The following PKHD1 variants were observed in gnomAD, a reference collection of about 807,000 sequenced individuals.
PKHD1 encodes the protein fibrocystin.
PKHD1 carries 291 observed loss-of-function variants against 412.0 expected under a neutral mutation model. The ratio of observed to expected loss-of-function variants is 0.71; its 90% CI spans 0.64 to 0.78. The LOEUF is 0.78. PKHD1 is among the 30% of genes least tolerant of loss of function. The probability of loss-of-function intolerance (pLI) is 0.00; values close to 1 mark genes in which losing one functional copy is unlikely to be tolerated. For missense variants in PKHD1, 4,825 were observed against 4,950.7 expected (o/e 0.97, Z 0.76); for synonymous variants, 1,777 against 1,821.5 (o/e 0.98, Z 0.62).
At chr6:51,688,454 C>G (rs1750963) in intron 60 of PKHD1, among the ~76,000 whole-genome samples, 1 of 150,714 alleles carries the variant, frequency 6.6e-6, no homozygotes, top group East Asian at 2.0e-4. Context: ...TCAAAGCTAG[C>G]AGAAAACAAG....
chr6:52,078,820 C>T (rs1222429518), intron 5 of PKHD1, among the ~76,000 whole-genome samples: 5 of 152,208 alleles, frequency 3.3e-5, no homozygotes, highest in Non-Finnish European at 5.9e-5. Context: ...GGTGGTGGTG[C>T]AGCTCTTAGT....
chr6:51,812,746 A>G (rs779952493), intron 52 of PKHD1, among the ~76,000 whole-genome samples: 16 of 152,274 alleles, frequency 1.1e-4, no homozygotes, highest in Non-Finnish European at 2.2e-4. Context: ...TCTTTTTTAG[A>G]TCCTGAAGAG....
intron 36 of PKHD1, among the ~76,000 whole-genome samples, chr6:51,951,356 C>G (rs1179720949): frequency 6.6e-6 from 1 of 151,918 alleles, no homozygotes; most frequent in East Asian, 1.9e-4. Context: ...GTCTTTTTCC[C>G]GAGGTCTGTA....
At chr6:51,811,995 A>G (rs1268582370) in intron 52 of PKHD1, among the ~76,000 whole-genome samples, 2 of 152,226 alleles carry the variant, frequency 1.3e-5, no homozygotes, top group Admixed American at 6.5e-5. Flanking sequence ...GATGTCAGAT[A>G]GCCATATATA....
At chr6:52,023,944 C>T (rs1040876426) in intron 32 of PKHD1, among the ~76,000 whole-genome samples, 2 of 152,198 alleles carry the variant, frequency 1.3e-5, no homozygotes, top group Non-Finnish European at 2.9e-5. Flanking sequence ...GTCTAAGATT[C>T]TGTTTCTATA....
chr6:51,910,818 GATTTGT>G (rs1561856607), intron 39 of PKHD1, among the ~76,000 whole-genome samples: 2 of 152,068 alleles, frequency 1.3e-5, no homozygotes, highest in African/African-American at 4.8e-5. Flanking sequence ...GTGAGTAGAT[GATTTGT>G]AGGGAGGGAG....
intron 43 of PKHD1, among the ~76,000 whole-genome samples, chr6:51,893,032 G>C (rs571129129): frequency 6.6e-6 from 1 of 152,088 alleles, no homozygotes; most frequent in Non-Finnish European, 1.5e-5. Flanking sequence ...CTATATCCAC[G>C]AGCCTTGGGA....
chr6:51,741,752 C>T (rs1050613813), intron 60 of PKHD1, among the ~76,000 whole-genome samples: 4 of 152,178 alleles, frequency 2.6e-5, no homozygotes, highest in African/African-American at 7.2e-5. Context: ...TTTATAGGAT[C>T]GCCCCCCATT....
At position 51,885,969 on chromosome 6, in the gene PKHD1, A is replaced by C. The variant is rs780627658; in HGVS notation, c.7113T>G (p.Tyr2371Ter). The C allele has an allele frequency of 3.2e-6, 5 of 1,563,654 alleles. No individual in the cohort carries two copies. The East Asian group carries it at 1.1e-4, about 35-fold the overall frequency. Residue 2371 changes from tyrosine to a stop codon, truncating the protein, a stop_gained, in exon 45 of 67, where the codon TAT becomes TAG. Transcript: ENST00000371117. LOFTEE classifies it high-confidence loss of function. Reference protein sequence around the residue: ...TQNIAHSCTRYGLFVYPKFQP... With the variant: ...TQNIAHSCTR ...GAAATTTAGGGTATACAAAGAGACC[A>C]TACCTAAAAAGTGAAACAGAATGAA... is the stretch of plus-strand genomic sequence containing the variant.
At chr6:51,736,832 A>G (rs965719243) in intron 60 of PKHD1, among the ~76,000 whole-genome samples, 29 of 152,230 alleles carry the variant, frequency 1.9e-4, no homozygotes, top group African/African-American at 6.7e-4. Context: ...ATGGGAAAAA[A>G]GAGAAGCCTA....
At chr6:51,750,744 A>G (rs1785977831) in intron 57 of PKHD1, among the ~76,000 whole-genome samples, 2 of 152,184 alleles carry the variant, frequency 1.3e-5, no homozygotes, top group African/African-American at 4.8e-5. Flanking sequence ...ATCAATTAGT[A>G]AAGACTTAAA....
At chr6:51,759,127 G>A (rs1298884155) in intron 55 of PKHD1, among the ~76,000 whole-genome samples, 2 of 152,160 alleles carry the variant, frequency 1.3e-5, no homozygotes, top group African/African-American at 4.8e-5. Context: ...CCATTAAAAT[G>A]TAATGAGGAT....
chr6:51,924,526 A>G (rs1785221515), intron 37 of PKHD1, among the ~76,000 whole-genome samples: 1 of 152,240 alleles, frequency 6.6e-6, no homozygotes, highest in Admixed American at 6.5e-5. Context: ...TAAAAGATCA[A>G]CTTGGCTCCA....
chr6:51,888,588 T>G (rs899441608), intron 43 of PKHD1, among the ~76,000 whole-genome samples: 8 of 151,850 alleles, frequency 5.3e-5, no homozygotes, highest in Admixed American at 5.3e-4. Context: ...ACAGGTCAGG[T>G]GAAGATAAGA....
chr6:51,894,436 T>C (rs1187424138), intron 43 of PKHD1, among the ~76,000 whole-genome samples: 2 of 152,188 alleles, frequency 1.3e-5, no homozygotes, highest in Non-Finnish European at 2.9e-5. Context: ...AGACCACCTG[T>C]GAACATCAAA....
At chr6:51,781,454 T>C (rs1281002157) in intron 53 of PKHD1, among the ~76,000 whole-genome samples, 1 of 152,152 alleles carries the variant, frequency 6.6e-6, no homozygotes, top group Non-Finnish European at 1.5e-5. Context: ...TAATGGAATA[T>C]TAAAATAAAC....
intron 33 of PKHD1, among the ~76,000 whole-genome samples, chr6:52,021,125 A>T (rs987149318): frequency 6.6e-6 from 1 of 152,218 alleles, no homozygotes; most frequent in Non-Finnish European, 1.5e-5. Flanking sequence ...ATTCCTCTAG[A>T]GTAAATGTGT....
intron 46 of PKHD1, among the ~76,000 whole-genome samples, chr6:51,882,465 C>A (rs1313295036): frequency 6.6e-6 from 1 of 152,128 alleles, no homozygotes; most frequent in Non-Finnish European, 1.5e-5. Context: ...TTGAACTAAG[C>A]ACTCAGGAAC....
rs377674026 is a variant in PKHD1, at chr6:52,017,596, T to A, written c.5414A>T (p.Glu1805Val). The stretch of plus-strand genomic sequence containing the variant: ...TCTGGCAGCCTCACAGCTGTCCTCC[T>A]CACGCTTCAGGCCACACAGGAAGGC... ...SLAFLCGLKR[E>V]EDSCEAARHT... Residue 1805 changes from glutamate (E) to valine (V), a missense_variant, in exon 34 of 67, where the codon GAG (glutamate) becomes GTG (valine). Glu to Val is a moderately radical substitution (Grantham distance 121, BLOSUM62 -2). Transcript: ENST00000371117. The A allele has an allele frequency of 4.3e-6, 7 of 1,613,764 alleles. No individual in the cohort carries two copies. In the Admixed American group the frequency reaches 1.2e-4, roughly 27 times the overall value.
Sources: allele counts gnomAD v4.1 joint callset (sites outside exome capture counted in the v4.1 genomes callset), GRCh38; gene constraint gnomAD v4.1.1; transcripts MANE v1.5; gene names NCBI Gene and HGNC (gene_info 2026-07-23, HGNC 2026-07-21).